The following MECR variants were observed in gnomAD, a reference collection of about 807,000 sequenced individuals.
MECR encodes the protein enoyl-[acyl-carrier-protein] reductase, mitochondrial.
Under a neutral mutation model 49.1 loss-of-function variants are expected in MECR, and 37 were observed. The observed-to-expected ratio is 0.75, with a 90% CI of 0.58 to 0.99. The LOEUF (loss-of-function observed/expected upper bound fraction) is 0.99, where lower values mean the gene tolerates loss of function less well. Among genes scored for constraint, MECR ranks in the 50% least tolerant of loss-of-function variants. The pLI, the probability that MECR is intolerant of heterozygous loss-of-function variation, is 0.00. For missense variants in MECR, 470 were observed against 479.6 expected (o/e 0.98, Z 0.19); for synonymous variants, 198 against 191.1 (o/e 1.04, Z -0.30).
At chr1:29,209,212 ACTTACC>A (rs139233377) in intron 3 of MECR, among the ~76,000 whole-genome samples, 9,626 of 152,162 alleles carry the variant, frequency 0.063, 765 homozygotes, top group East Asian at 0.39. Context: ...TTCACAGAAT[ACTTACC>A]CTTACTATGT....
downstream of MECR, among the ~76,000 whole-genome samples, chr1:29,190,858 A>G (rs1026446575): frequency 1.3e-5 from 2 of 151,928 alleles, no homozygotes; most frequent in Admixed American, 6.6e-5. Flanking sequence ...CTCTGCTTAC[A>G]TCACTTGCGG....
the MECR span, among the ~76,000 whole-genome samples, chr1:29,178,433 T>G: frequency 6.7e-6 from 1 of 148,182 alleles, no homozygotes; most frequent in Admixed American, 6.8e-5. Flanking sequence ...AAGCTCCACC[T>G]CCCAGGTTCA....
the MECR span, among the ~76,000 whole-genome samples, chr1:29,183,318 T>C: frequency 1.3e-5 from 2 of 152,232 alleles, no homozygotes; most frequent in African/African-American, 2.4e-5. Flanking sequence ...GCCAGTGCCC[T>C]GGTGAAGGAC....
At chr1:29,225,487 T>C (rs560685932) in intron 1 of MECR, among the ~76,000 whole-genome samples, 11 of 152,154 alleles carry the variant, frequency 7.2e-5, no homozygotes, top group African/African-American at 2.6e-4. Flanking sequence ...CATCACAGCA[T>C]TTACCCCACT....
chr1:29,200,310 A>G, intron 7 of MECR: 1 of 438,754 alleles, frequency 2.3e-6, no homozygotes, highest in Non-Finnish European at 4.1e-6. Context: ...AAAGCTGGAT[A>G]GGCCAAAATT....
intron 1 of MECR, among the ~76,000 whole-genome samples, chr1:29,220,487 G>A (rs371580623): frequency 2.0e-5 from 3 of 152,280 alleles, no homozygotes; most frequent in African/African-American, 2.4e-5. Flanking sequence ...GCTCTTCCTC[G>A]TTTTAGGCTG....
In MECR at chr1:29,193,776, A is replaced by C; in HGVS notation, c.*246T>G. 1.3e-4 allele frequency: 59 copies of C among 447,242 alleles called. No homozygotes were observed. Among genetic ancestry groups the C allele is most frequent in the East Asian group, 3.1e-4 (7 of 22,764 alleles). The allele number at this position is 447,242 out of a possible 1,614,324, so 27.7% of individuals were successfully genotyped here. ...GGCCTCTTGGTGCTGTGAGCTGACC[A>C]GTGCACAGTGTTGGTCCTTCTCGAC... On this transcript the variant is annotated 3_prime_UTR_variant, in exon 10 of 10. Transcript: ENST00000263702.
At chr1:29,186,701 G>A in the MECR span, among the ~76,000 whole-genome samples, 2 of 152,142 alleles carry the variant, frequency 1.3e-5, no homozygotes, top group South Asian at 2.1e-4. Context: ...TCTTCCAGTT[G>A]ACATGTCAAG....
intron 3 of MECR, among the ~76,000 whole-genome samples, chr1:29,215,745 C>T (rs1192494791): frequency 6.6e-6 from 1 of 152,018 alleles, no homozygotes; most frequent in Non-Finnish European, 1.5e-5. Context: ...GTGGTAGGCG[C>T]CTGTAATCCC....
intron 4 of MECR, among the ~76,000 whole-genome samples, chr1:29,204,567 T>C (rs1446890939): frequency 6.6e-6 from 1 of 152,204 alleles, no homozygotes; most frequent in Non-Finnish European, 1.5e-5. Flanking sequence ...TATTCCTATT[T>C]GTATAAACTG....
intron 1 of MECR, among the ~76,000 whole-genome samples, chr1:29,228,210 A>AAAAT (rs71025207): frequency 6.6e-4 from 100 of 151,862 alleles, no homozygotes; most frequent in Middle Eastern, 6.8e-3. Context: ...ATCTCATCTC[A>AAAAT]AAATAAATAA....
intron 4 of MECR, 70 bp downstream of exon 4, chr1:29,206,692 T>C (rs1676663840): frequency 9.0e-6 from 14 of 1,556,150 alleles, no homozygotes; most frequent in Admixed American, 3.5e-5. Flanking sequence ...CTCCTGGCCT[T>C]GGGGTCAGGA....
chr1:29,203,292 G>A (rs1361324609), intron 4 of MECR, 59 bp from the exon 5 acceptor site: 2 of 1,357,596 alleles, frequency 1.5e-6, no homozygotes, highest in Non-Finnish European at 2.0e-6. Context: ...TAGGTCAAAG[G>A]CTCCCAGCCG....
the MECR span, among the ~76,000 whole-genome samples, chr1:29,187,083 T>C: frequency 3.3e-5 from 5 of 152,324 alleles, no homozygotes; most frequent in African/African-American, 1.2e-4. Context: ...TCTCCACCAT[T>C]TCCAGCTGCT....
chr1:29,186,207 G>A, the MECR span, among the ~76,000 whole-genome samples: 1 of 152,174 alleles, frequency 6.6e-6, no homozygotes, highest in African/African-American at 2.4e-5. Flanking sequence ...CTGTCCTTCT[G>A]ATTATTCCTT....
At chr1:29,219,729 A>G (rs989471906) in intron 1 of MECR, among the ~76,000 whole-genome samples, 2 of 152,220 alleles carry the variant, frequency 1.3e-5, no homozygotes, top group Non-Finnish European at 2.9e-5. Flanking sequence ...GCACCCTGTG[A>G]TCAGATACAT....
chr1:29,168,188 G>C, the MECR span, among the ~76,000 whole-genome samples: 1 of 114,642 alleles, frequency 8.7e-6, no homozygotes, highest in Non-Finnish European at 1.8e-5. Context: ...CAAATTTTTT[G>C]TAATTTTTTT....
chr1:29,218,739 T>C (rs1680073930), intron 1 of MECR, among the ~76,000 whole-genome samples: 1 of 152,112 alleles, frequency 6.6e-6, no homozygotes, highest in Non-Finnish European at 1.5e-5. Context: ...GGTGTGGTGG[T>C]GTGTGCCTGT....
chr1:29,211,321 G>A (rs904556170), intron 3 of MECR, among the ~76,000 whole-genome samples: 5 of 152,156 alleles, frequency 3.3e-5, no homozygotes, highest in Non-Finnish European at 4.4e-5. Flanking sequence ...TGCCCGCCTT[G>A]GCCTCCCATG....
Sources: allele counts gnomAD v4.1 joint callset (sites outside exome capture counted in the v4.1 genomes callset), GRCh38; gene constraint gnomAD v4.1.1; transcripts MANE v1.5; gene names NCBI Gene and HGNC (gene_info 2026-07-23, HGNC 2026-07-21).